Variants in PROM1 observed in about 807,000 individuals in gnomAD.
The protein encoded by PROM1 is prominin-1.
Under a neutral mutation model 116.9 loss-of-function variants are expected in PROM1, and 105 were observed. The ratio of observed to expected loss-of-function variants is 0.90; its 90% CI spans 0.77 to 1.06. The LOEUF (loss-of-function observed/expected upper bound fraction) is 1.06. PROM1 is among the 50% of genes least tolerant of loss of function. The pLI is 0.00. For synonymous variants in PROM1, 393 were observed against 387.0 expected (o/e 1.02, Z -0.18); for missense variants, 1,122 against 1,045.2 (o/e 1.07, Z -1.01).
At chr4:16,072,109 C>A (rs946122997) in intron 2 of PROM1, among the ~76,000 whole-genome samples, 1 of 152,142 alleles carries the variant, frequency 6.6e-6, no homozygotes, top group Non-Finnish European at 1.5e-5. Context: ...GGGTGGTTAC[C>A]TGTGTTCCTT....
chr4:16,015,540 C>T (rs1728147100), intron 10 of PROM1, among the ~76,000 whole-genome samples: 1 of 150,934 alleles, frequency 6.6e-6, no homozygotes, highest in African/African-American at 2.4e-5. Flanking sequence ...AAATACAAAA[C>T]TCAGCCAGGC....
rs371416551 is a variant in PROM1, at chr4:16,000,515, G to C, written c.1559C>G (p.Thr520Arg). 8 of 1,592,950 alleles carry C rather than the reference G, an allele frequency of 5.0e-6. No individual in the cohort carries two copies. Among genetic ancestry groups the C allele is most frequent in the Non-Finnish European group, 6.9e-6 (8 of 1,161,920 alleles). ...NVEKLICEPY[T>R]SKELFRVLDT... ...ATTTACCCGGAATAATTCCTTGCTC[G>C]TGTAAGGTTCACAGATCAGTTTTTC... is the stretch of plus-strand genomic sequence containing the variant. The change falls in exon 14 of 28, where the codon ACG (threonine) becomes AGG (arginine). Residue 520 changes from threonine (T) to arginine (R), a missense_variant. Transcript: ENST00000447510.
At chr4:16,027,084 T>A (rs1055729550) in intron 5 of PROM1, among the ~76,000 whole-genome samples, 5 of 152,190 alleles carry the variant, frequency 3.3e-5, no homozygotes, top group South Asian at 4.1e-4. Flanking sequence ...TCTCTAAGAT[T>A]TTTAAGTTTG....
At chr4:15,988,127 C>T (rs1323835048) in intron 19 of PROM1, among the ~76,000 whole-genome samples, 2 of 152,138 alleles carry the variant, frequency 1.3e-5, no homozygotes, top group African/African-American at 4.8e-5. Flanking sequence ...CCACCCGCCT[C>T]GGCCTCCCAA....
chr4:16,024,286 T>G lies in PROM1; in HGVS notation c.694+9A>C, dbSNP rs1435789059. 2 of 1,610,492 alleles carry G rather than the reference T, an allele frequency of 1.2e-6. No homozygotes were observed. The highest frequency in any genetic ancestry group is 1.7e-6 in the Non-Finnish European group (2 of 1,177,104). On this transcript the variant is annotated intron_variant, in intron 7 of 27. Transcript: ENST00000447510. ...AAAAAAATGTGAAGCAACTTTAAATTTTACTCACTGTTCAGATCTGTGAAC... is the reference window on the plus strand; with the variant it reads ...AAAAAAATGTGAAGCAACTTTAAATGTTACTCACTGTTCAGATCTGTGAAC...
At chr4:16,038,659 C>T (rs965303269) in intron 3 of PROM1, among the ~76,000 whole-genome samples, 4 of 152,206 alleles carry the variant, frequency 2.6e-5, no homozygotes, top group Admixed American at 6.5e-5. Context: ...CCTCAGCCTA[C>T]CAAAGTGCTG....
chr4:15,970,334 C>T (rs1227211797), intron 27 of PROM1, among the ~76,000 whole-genome samples: 4 of 151,434 alleles, frequency 2.6e-5, no homozygotes, highest in South Asian at 2.1e-4. Flanking sequence ...CCCCCCACCA[C>T]ACCCGGCTAA....
intron 2 of PROM1, among the ~76,000 whole-genome samples, chr4:16,049,530 A>G (rs1275580620): frequency 1.3e-5 from 2 of 152,156 alleles, no homozygotes; most frequent in Non-Finnish European, 2.9e-5. Flanking sequence ...AATAAGAAAT[A>G]CGCACTTCTT....
Position 15,998,506 on chromosome 4 carries a change from G to A in PROM1, c.1579-18C>T. The stretch of plus-strand genomic sequence containing the variant: ...TCCAAAACCTAGAACACATTAGGAA[G>A]TATTTTCGAAAAATCAGTTTTACAC... On this transcript the variant is annotated intron_variant, in intron 14 of 27. Transcript: ENST00000447510. The A allele has an allele frequency of 6.4e-7, 1 of 1,560,868 alleles. No individual in the cohort carries two copies. Among genetic ancestry groups the A allele is most frequent in the Non-Finnish European group, 8.6e-7 (1 of 1,158,264 alleles).
At chr4:16,077,741 T>C (rs1744253471) in intron 1 of PROM1, among the ~76,000 whole-genome samples, 1 of 152,214 alleles carries the variant, frequency 6.6e-6, no homozygotes, top group South Asian at 2.1e-4. Flanking sequence ...CAGGCTCTAG[T>C]ACGAGCCACT....
intron 13 of PROM1, chr4:16,003,306 C>T (rs1170637638): frequency 8.8e-6 from 4 of 456,576 alleles, no homozygotes; most frequent in Non-Finnish European, 1.8e-5. Flanking sequence ...AAAACACCTC[C>T]CTCTTCATGA....
chr4:16,053,475 A>G (rs1045662633), intron 2 of PROM1, among the ~76,000 whole-genome samples: 2 of 152,276 alleles, frequency 1.3e-5, no homozygotes, highest in African/African-American at 4.8e-5. Context: ...GGAAGGAAAG[A>G]AACAGTAAAA....
intron 11 of PROM1, among the ~76,000 whole-genome samples, chr4:16,011,263 G>A (rs1189203276): frequency 6.6e-6 from 1 of 152,076 alleles, no homozygotes; most frequent in Non-Finnish European, 1.5e-5. Flanking sequence ...ACACAAACCT[G>A]GTCATGGTGC....
chr4:16,039,722 A>C (rs1734754882), intron 2 of PROM1, among the ~76,000 whole-genome samples: 1 of 151,936 alleles, frequency 6.6e-6, no homozygotes, highest in Admixed American at 6.6e-5. Flanking sequence ...TGTCAAAAAA[A>C]AAAAAAAAAT....
At chr4:15,998,330 C>T in intron 15 of PROM1, 55 bp downstream of exon 15, 1 of 1,477,032 alleles carries the variant, frequency 6.8e-7, no homozygotes, top group Non-Finnish European at 9.0e-7. Context: ...GCAAAATTCT[C>T]ATTCCAGAAA....
Position 16,018,446 on chromosome 4 carries a change from G to C in PROM1, c.879C>G (p.Ser293Arg). The C allele has an allele frequency of 6.2e-7, 1 of 1,613,728 alleles. No individual in the cohort carries two copies. Among genetic ancestry groups the C allele is most frequent in the Non-Finnish European group, 8.5e-7 (1 of 1,179,886 alleles). Residue 293 changes from serine (S) to arginine (R), a missense_variant, in exon 9 of 28, where the codon AGC becomes AGG. Coordinates refer to ENST00000447510, the MANE Select transcript of PROM1 (RefSeq NM_006017.3). ...QSTQLSSSLT[S>R]VKTSLRSSLN... is the part of the protein sequence containing the mutation. ...GAGATGACCGCAGGCTAGTTTTCACGCTGGTCAGACTGCTGCTAAGCTGTG... is the reference window on the plus strand; with the variant it reads ...GAGATGACCGCAGGCTAGTTTTCACCCTGGTCAGACTGCTGCTAAGCTGTG...
At chr4:16,040,108 G>C (rs941178300) in intron 2 of PROM1, among the ~76,000 whole-genome samples, 5 of 152,106 alleles carry the variant, frequency 3.3e-5, no homozygotes, top group African/African-American at 1.2e-4. Flanking sequence ...TGTACTAATG[G>C]GGGGGCAAAC....
At chr4:15,980,651 G>C (rs1205612756) in intron 23 of PROM1, 114 bp from the exon 24 acceptor site, 3 of 695,608 alleles carry the variant, frequency 4.3e-6, no homozygotes, top group Non-Finnish European at 4.6e-6. Flanking sequence ...AAAATGAGTT[G>C]TCATTTTGTT....
At chr4:16,024,496 G>T in intron 6 of PROM1, 138 bp from the exon 7 acceptor site, 4 of 667,922 alleles carry the variant, frequency 6.0e-6, no homozygotes, top group Non-Finnish European at 7.4e-6. Context: ...AAACCTTTCT[G>T]CTTTCTGACA....
Sources: allele counts gnomAD v4.1 joint callset (sites outside exome capture counted in the v4.1 genomes callset), GRCh38; gene constraint gnomAD v4.1.1; transcripts MANE v1.5; gene names NCBI Gene and HGNC (gene_info 2026-07-23, HGNC 2026-07-21).